SERPINB5: variants seen among roughly 807,000 people sequenced by gnomAD.
SERPINB5 encodes serpin family B member 5.
SERPINB5 carries 27 observed loss-of-function variants against 32.2 expected under a neutral mutation model. The ratio of observed to expected loss-of-function variants is 0.84; its 90% CI spans 0.62 to 1.16. SERPINB5 has a LOEUF of 1.16. SERPINB5 is among the 50% of genes most tolerant of loss of function. SERPINB5 has a pLI of 0.00. For missense variants in SERPINB5, 388 were observed against 436.3 expected (o/e 0.89, Z 0.99); for synonymous variants, 154 against 157.4 (o/e 0.98, Z 0.16).
intron 3 of SERPINB5, among the ~76,000 whole-genome samples, chr18:63,487,680 C>G (rs1332248257): frequency 2.0e-5 from 3 of 152,164 alleles, no homozygotes; most frequent in Non-Finnish European, 4.4e-5. Context: ...AGGAATCATA[C>G]AAACACCACT....
chr18:63,503,112 C>T (rs1360851347), intron 6 of SERPINB5, among the ~76,000 whole-genome samples: 1 of 152,098 alleles, frequency 6.6e-6, no homozygotes, highest in African/African-American at 2.4e-5. Flanking sequence ...AATTTCAGTG[C>T]ACATGGAACA....
rs1373197208 is a variant in SERPINB5 at position 63,504,250 on chromosome 18, G to C, written c.*528G>C. ...GAAGTCCTTATGTTAAGCCCTGGCA[G>C]GCAGGTGTTTATTAAAATTCTGAAT... On this transcript the variant is annotated 3_prime_UTR_variant, in exon 7 of 7. Coordinates refer to ENST00000382771, the MANE Select transcript of SERPINB5 (RefSeq NM_002639.5). 1 of 153,294 alleles carries C rather than the reference G, an allele frequency of 6.5e-6. No individual in the cohort carries two copies. The highest frequency in any genetic ancestry group is 1.5e-5 in the Non-Finnish European group (1 of 68,814). The allele number at this position is 153,294 out of a possible 1,614,324, so 9.5% of individuals were successfully genotyped here.
At chr18:63,495,195 A>G (rs950610205) in intron 5 of SERPINB5, among the ~76,000 whole-genome samples, 1 of 152,178 alleles carries the variant, frequency 6.6e-6, no homozygotes, top group Non-Finnish European at 1.5e-5. Context: ...TGCACACAAG[A>G]GGTCTGTCTG....
At chr18:63,478,215 G>A (rs1473689056) in intron 1 of SERPINB5, among the ~76,000 whole-genome samples, 1 of 152,128 alleles carries the variant, frequency 6.6e-6, no homozygotes, top group Non-Finnish European at 1.5e-5. Context: ...CTGGGTTGTG[G>A]ATTGACTTTG....
chr18:63,486,413 C>G (rs1917214949), intron 2 of SERPINB5, among the ~76,000 whole-genome samples: 2 of 152,200 alleles, frequency 1.3e-5, no homozygotes, highest in African/African-American at 4.8e-5. Context: ...AGGCACTTGT[C>G]CTGAAATCTG....
chr18:63,491,404 C>CA (rs1555670766), intron 4 of SERPINB5, among the ~76,000 whole-genome samples: 2,425 of 80,750 alleles, frequency 0.03, 8 homozygotes, highest in African/African-American at 0.052. Flanking sequence ...CTGCGTCTCC[C>CA]AAAAAAAAAA....
At chr18:63,488,183 T>C (rs1377740206) in intron 3 of SERPINB5, among the ~76,000 whole-genome samples, 3 of 152,176 alleles carry the variant, frequency 2.0e-5, no homozygotes, top group African/African-American at 4.8e-5. Flanking sequence ...TCAGGTGAGA[T>C]TGGTTCTGTC....
intron 3 of SERPINB5, 36 bp downstream of exon 3, chr18:63,487,119 T>C: frequency 6.9e-6 from 11 of 1,599,862 alleles, no homozygotes; most frequent in Non-Finnish European, 9.4e-6. Flanking sequence ...GACTTAACTT[T>C]TTACAAGGAG....
chr18:63,496,539 C>A (rs1032804482), intron 5 of SERPINB5, among the ~76,000 whole-genome samples: 8 of 152,102 alleles, frequency 5.3e-5, no homozygotes, highest in African/African-American at 1.9e-4. Flanking sequence ...ATTTCTAACA[C>A]TGTGGCAAGT....
chr18:63,484,739 A>ATTTTTTT, intron 2 of SERPINB5, 143 bp downstream of exon 2: 15 of 144,440 alleles, frequency 1.0e-4, no homozygotes, highest in Non-Finnish European at 1.7e-4. Flanking sequence ...GACTCTCTTA[A>ATTTTTTT]TCTTTTTTTT....
intron 5 of SERPINB5, among the ~76,000 whole-genome samples, chr18:63,495,471 T>C (rs1042718412): frequency 1.1e-3 from 164 of 152,334 alleles, no homozygotes; most frequent in Non-Finnish European, 1.9e-4. Flanking sequence ...TAGCAAGGGC[T>C]GGCAAAGGGT....
chr18:63,482,437 G>C (rs1917140843), intron 1 of SERPINB5, among the ~76,000 whole-genome samples: 1 of 152,108 alleles, frequency 6.6e-6, no homozygotes. Flanking sequence ...TGAGGCTTTG[G>C]GGGAACACTT....
chr18:63,491,404 CAAAAAAAA>C (rs1555670766), intron 4 of SERPINB5, among the ~76,000 whole-genome samples: 2,119 of 81,532 alleles, frequency 0.026, 96 homozygotes, highest in African/African-American at 0.1. Flanking sequence ...CTGCGTCTCC[CAAAAAAAA>C]AAAAAAAAAA....
chr18:63,499,040 C>CGT lies in SERPINB5; in HGVS notation c.568-73_568-72dup, dbSNP rs1360248374. On this transcript the variant is annotated intron_variant, in intron 5 of 6. Coordinates refer to ENST00000382771, the MANE Select transcript of SERPINB5 (RefSeq NM_002639.5). ...GTATATATGTGTGTGTGTGTGCGCG[C>CGT]GTGTGTGTATATATATATATATATA... is the stretch of plus-strand genomic sequence containing the variant. The CGT allele has an allele frequency of 1.8e-4, 98 of 538,500 alleles. 1 individual carries two copies. In the Middle Eastern group the frequency reaches 2.2e-3, roughly 12 times the overall value. The allele number at this position is 538,500 out of a possible 1,614,324, so 33.4% of individuals were successfully genotyped here.
intron 5 of SERPINB5, 97 bp from the exon 6 acceptor site, chr18:63,499,023 G>A (rs71366963): frequency 0.061 from 25,330 of 418,618 alleles, 1,065 homozygotes; most frequent in Middle Eastern, 0.11. Context: ...GGGTATATAT[G>A]TGTGTGTGTG....
Position 63,499,106 on chromosome 18 carries a change from T to C in SERPINB5, c.568-14T>C. The stretch of plus-strand genomic sequence containing the variant: ...AAATTGAAAAGTAAGCAGTCCAAAT[T>C]TTCCCTTTTACAGACAGACACCAAA... On this transcript the variant is annotated splice_polypyrimidine_tract_variant and intron_variant, in intron 5 of 6. Coordinates refer to ENST00000382771, the MANE Select transcript of SERPINB5 (RefSeq NM_002639.5). 3 of 1,456,272 alleles carry C rather than the reference T, an allele frequency of 2.1e-6. No individual in the cohort carries two copies. The highest frequency in any genetic ancestry group is 4.6e-5 in the Admixed American group (2 of 43,064). The allele number at this position is 1,456,272 out of a possible 1,614,324, so 90.2% of individuals were successfully genotyped here.
Position 63,503,921 on chromosome 18 carries a change from T to A in SERPINB5, c.*199T>A, listed in dbSNP as rs1909626362. 2 of 577,404 alleles carry A rather than the reference T, an allele frequency of 3.5e-6. No individual in the cohort carries two copies. The highest frequency in any genetic ancestry group is 6.0e-6 in the Non-Finnish European group (2 of 332,428). 35.8% of individuals were successfully genotyped at this position (577,404 alleles called of 1,614,324 possible). ...CCAATTCTATCTTTTGTTTCCTTTTTTCCCATAAGACAATGACATACGCTT... is the reference window on the plus strand; with the variant it reads ...CCAATTCTATCTTTTGTTTCCTTTTATCCCATAAGACAATGACATACGCTT... On this transcript the variant is annotated 3_prime_UTR_variant, in exon 7 of 7. Coordinates refer to ENST00000382771, the MANE Select transcript of SERPINB5 (RefSeq NM_002639.5).
intron 2 of SERPINB5, 122 bp from the exon 3 acceptor site, chr18:63,486,824 T>C: frequency 1.0e-6 from 1 of 979,568 alleles, no homozygotes; most frequent in Non-Finnish European, 1.5e-6. Flanking sequence ...GAGCCTTACT[T>C]TACGGGAACT....
chr18:63,504,911 C>T lies in SERPINB5; in HGVS notation c.*1189C>T, dbSNP rs994652183. 2 of 152,064 alleles carry T rather than the reference C, an allele frequency of 1.3e-5. No individual in the cohort carries two copies. The highest frequency in any genetic ancestry group is 4.8e-5 in the African/African-American group (2 of 41,368). 9.4% of individuals were successfully genotyped at this position (152,064 alleles called of 1,614,324 possible). ...TGTAAAGTTGGTTGGATAAGCTATC[C>T]GTGTTGCAGGTTCATGGATTACTTC... On this transcript the variant is annotated 3_prime_UTR_variant, in exon 7 of 7. Transcript: ENST00000382771.
Sources: allele counts gnomAD v4.1 joint callset (sites outside exome capture counted in the v4.1 genomes callset), GRCh38; gene constraint gnomAD v4.1.1; transcripts MANE v1.5; gene names NCBI Gene and HGNC (gene_info 2026-07-23, HGNC 2026-07-21).